The following CD99 variants were observed in gnomAD, a reference collection of about 807,000 sequenced individuals.
CD99 encodes CD99 antigen.
CD99 carries 19 observed loss-of-function variants against 28.4 expected under a neutral mutation model. The ratio of observed to expected loss-of-function variants is 0.67; its 90% CI spans 0.47 to 0.98. The LOEUF is 0.98. Ranked by LOEUF, CD99 falls within the 50% of genes least tolerant of loss-of-function variation. The pLI, the probability that CD99 is intolerant of heterozygous loss-of-function variation, is 0.00. For missense variants in CD99, 283 were observed against 248.8 expected, an observed-to-expected ratio of 1.14 and a Z score of -0.92; for synonymous variants, 103 against 92.1, an observed-to-expected ratio of 1.12 and a Z score of -0.67.
chrX:2,709,938 G>A (rs1278827846), intron 1 of CD99, among the ~76,000 whole-genome samples: 1 of 152,032 alleles, frequency 6.6e-6, no homozygotes. Context: ...AGGGACAGAT[G>A]CAAAAACCCA....
At chrX:2,694,963 A>C (rs1398549479) in intron 1 of CD99, among the ~76,000 whole-genome samples, 1 of 152,128 alleles carries the variant, frequency 6.6e-6, no homozygotes, top group Non-Finnish European at 1.5e-5. Flanking sequence ...TACTTTTCCC[A>C]ATTCAGCATT....
intron 8 of CD99, among the ~76,000 whole-genome samples, chrX:2,734,558 C>T (rs2049835967): frequency 6.6e-6 from 1 of 151,780 alleles, no homozygotes; most frequent in South Asian, 2.1e-4. Context: ...CTGCCTGCCT[C>T]AACCTTCCAA....
chrX:2,736,627 G>GT (rs1233208499), intron 8 of CD99, among the ~76,000 whole-genome samples: 1 of 152,056 alleles, frequency 6.6e-6, no homozygotes, highest in Non-Finnish European at 1.5e-5. Context: ...AGAGGCCGAG[G>GT]TGGGCGGATC....
chrX:2,700,725 GTCCACCA>G (rs1209708906), intron 1 of CD99, among the ~76,000 whole-genome samples: 1 of 151,084 alleles, frequency 6.6e-6, no homozygotes, highest in Non-Finnish European at 1.5e-5. Flanking sequence ...ACATCCATCT[GTCCACCA>G]TCCACTCATC....
At chrX:2,700,479 T>G (rs1025655011) in intron 1 of CD99, among the ~76,000 whole-genome samples, 2 of 151,532 alleles carry the variant, frequency 1.3e-5, no homozygotes, top group African/African-American at 4.9e-5. Flanking sequence ...CATCCATCCA[T>G]CAACCCATCC....
At chrX:2,697,814 C>T (rs1347834416) in intron 1 of CD99, among the ~76,000 whole-genome samples, 5 of 151,848 alleles carry the variant, frequency 3.3e-5, no homozygotes, top group Non-Finnish European at 7.4e-5. Flanking sequence ...GGGCTGTCTT[C>T]GATGAATTCA....
chrX:2,707,751 A>G (rs1159735551), intron 1 of CD99, among the ~76,000 whole-genome samples: 1 of 152,168 alleles, frequency 6.6e-6, no homozygotes, highest in Admixed American at 6.5e-5. Context: ...CGTGCAACAC[A>G]GGCACCTGAG....
chrX:2,709,845 A>C (rs1313475739), intron 1 of CD99, among the ~76,000 whole-genome samples: 1 of 152,154 alleles, frequency 6.6e-6, no homozygotes. Flanking sequence ...AGAGGTGCCC[A>C]GCAAGAAGCA....
chrX:2,719,893 T>A (rs1419551100), intron 4 of CD99, among the ~76,000 whole-genome samples, 188 bp downstream of exon 4: 1 of 152,170 alleles, frequency 6.6e-6, no homozygotes, highest in Non-Finnish European at 1.5e-5. Context: ...CCAGTACGTG[T>A]GCTTTTATTT....
intron 1 of CD99, among the ~76,000 whole-genome samples, chrX:2,712,641 G>A (rs1163888003): frequency 6.6e-6 from 1 of 152,102 alleles, no homozygotes; most frequent in African/African-American, 2.4e-5. Flanking sequence ...TGTGGAAACA[G>A]CCATTTCAGG....
chrX:2,691,625 G>T, intron 1 of CD99, 198 bp downstream of exon 1: 1 of 719,474 alleles, frequency 1.4e-6, no homozygotes, highest in Non-Finnish European at 2.5e-6. Context: ...TCCTGGAGCC[G>T]TTCCAGAGAG....
At chrX:2,696,709 T>C (rs996842768) in intron 1 of CD99, among the ~76,000 whole-genome samples, 1 of 152,192 alleles carries the variant, frequency 6.6e-6, no homozygotes, top group Non-Finnish European at 1.5e-5. Flanking sequence ...GGCTGAAACA[T>C]GGTAGCTCAC....
intron 2 of CD99, among the ~76,000 whole-genome samples, chrX:2,716,277 A>T (rs1269514620): frequency 6.6e-6 from 1 of 152,066 alleles, no homozygotes; most frequent in South Asian, 2.1e-4. Flanking sequence ...TTGGCCTCCC[A>T]AAGTGCTGGG....
rs193259942 is a variant in CD99 at position 2,709,650 on chromosome X, T to G, written c.68-4772T>G. On this transcript the variant is annotated intron_variant, in intron 1 of 9. Transcript: ENST00000381192. ...ACATGAATGCATGAGCACGCGTATA[T>G]GAAATACACATGTACACATGAGCAC... Among the ~76,000 whole-genome samples the G allele has an allele frequency of 2.2e-4, 34 of 151,208 alleles. 1 individual carries two copies. In the East Asian group the frequency reaches 6.4e-3, roughly 29 times the overall value.
rs373612158 is a variant in CD99 at position 2,726,264 on chromosome X, C to T, written c.366C>T (p.Asp122=). The part of the protein sequence containing the change: ...GSHRKEGEEA[D]APGVIPGIVG... ...GCTGTGTGCTTCCTCCTGCAGCCGA[C>T]GCCCCAGGCGTGATCCCCGGGATTG... Residue 122 remains aspartate, a synonymous_variant, in exon 8 of 10, where the codon GAC becomes GAT. Transcript: ENST00000381192. 64 of 1,604,468 alleles carry T rather than the reference C, an allele frequency of 4.0e-5. 1 individual carries two copies. In the East Asian group the frequency reaches 6.7e-4, roughly 17 times the overall value.
intron 1 of CD99, among the ~76,000 whole-genome samples, chrX:2,712,049 G>A (rs2048433701): frequency 6.6e-6 from 1 of 152,066 alleles, no homozygotes; most frequent in Non-Finnish European, 1.5e-5. Flanking sequence ...AAAGAAAAAA[G>A]AAGGAAGTCC....
chrX:2,697,441 G>A (rs2047628785), intron 1 of CD99, among the ~76,000 whole-genome samples: 1 of 152,142 alleles, frequency 6.6e-6, no homozygotes, highest in Admixed American at 6.5e-5. Context: ...TGGCCAGAGG[G>A]TTCTGCAGGC....
At chrX:2,727,779 C>A (rs2049372015) in intron 8 of CD99, among the ~76,000 whole-genome samples, 1 of 152,118 alleles carries the variant, frequency 6.6e-6, no homozygotes, top group African/African-American at 2.4e-5. Flanking sequence ...ACCTGGCCAA[C>A]AGCTACTGTT....
intron 3 of CD99, chrX:2,717,879 C>A: frequency 1.3e-5 from 7 of 533,696 alleles, no homozygotes; most frequent in Middle Eastern, 5.2e-4. Flanking sequence ...ATTTGGACAA[C>A]ATCTCTGTGT....
Sources: allele counts gnomAD v4.1 joint callset (sites outside exome capture counted in the v4.1 genomes callset), GRCh38; gene constraint gnomAD v4.1.1; transcripts MANE v1.5; gene names NCBI Gene and HGNC (gene_info 2026-07-23, HGNC 2026-07-21).